Variants in TMEFF1 observed in about 807,000 individuals in gnomAD.
TMEFF1 encodes the protein transmembrane protein with EGF like and two follistatin like domains 1.
A neutral mutation model predicts 47.5 loss-of-function variants in TMEFF1; 20 were observed. The ratio of observed to expected loss-of-function variants is 0.42; its 90% CI spans 0.30 to 0.61. TMEFF1 has a LOEUF of 0.61. Among genes scored for constraint, TMEFF1 ranks in the 20% least tolerant of loss-of-function variants. The pLI is 0.19. For missense variants in TMEFF1, 411 were observed against 471.1 expected, an observed-to-expected ratio of 0.87 and a Z score of 1.18; for synonymous variants, 162 against 166.3, an observed-to-expected ratio of 0.97 and a Z score of 0.20.
chr9:100,518,913 A>G (rs915539822), intron 5 of TMEFF1, among the ~76,000 whole-genome samples: 7 of 152,186 alleles, frequency 4.6e-5, no homozygotes, highest in African/African-American at 1.7e-4. Flanking sequence ...GGTCTGGAAA[A>G]TGGAAAGCTG....
chr9:100,489,907 T>TG (rs1192017189), intron 1 of TMEFF1, among the ~76,000 whole-genome samples: 3 of 152,286 alleles, frequency 2.0e-5, no homozygotes, highest in Admixed American at 2.0e-4. Context: ...GGAAAGACCC[T>TG]GGGAGACTTA....
At chr9:100,476,070 T>C (rs895671419) in intron 1 of TMEFF1, among the ~76,000 whole-genome samples, 7 of 152,184 alleles carry the variant, frequency 4.6e-5, no homozygotes, top group Non-Finnish European at 8.8e-5. Context: ...ATCTGAGTCT[T>C]CTTTCAAGCG....
Position 100,532,662 on chromosome 9 carries a change from T to C in TMEFF1, c.561-15082T>C, listed in dbSNP as rs530601624. On this transcript the variant is annotated intron_variant, in intron 5 of 9. Coordinates refer to ENST00000374879, the MANE Select transcript of TMEFF1 (RefSeq NM_003692.5). ...GTGGGACTGTAAACTAGTTCAACCATTGTGGAAGTCAGTGTGGCGATTCCT... is the reference window on the plus strand; with the variant it reads ...GTGGGACTGTAAACTAGTTCAACCACTGTGGAAGTCAGTGTGGCGATTCCT... Among the ~76,000 whole-genome samples the C allele has an allele frequency of 3.5e-3, 532 of 151,692 alleles. 1 individual carries two copies. The highest frequency in any genetic ancestry group is 5.7e-3 in the Non-Finnish European group (386 of 67,810).
At chr9:100,505,556 G>C (rs901419457) in intron 2 of TMEFF1, among the ~76,000 whole-genome samples, 16 of 151,292 alleles carry the variant, frequency 1.1e-4, no homozygotes, top group Non-Finnish European at 1.8e-4. Flanking sequence ...CTGATTTGTA[G>C]TATTAAGGAA....
Position 100,562,626 on chromosome 9 carries a change from T to G in TMEFF1, c.899+1106T>G, listed in dbSNP as rs893931411. Reference sequence around the variant, plus strand: ...GAATGGTAACAGGCCAGGTTTTTTTTTTTGTTTGTTTTGTTTTGTTTTGTT... The same window carrying G: ...GAATGGTAACAGGCCAGGTTTTTTTGTTTGTTTGTTTTGTTTTGTTTTGTT... On this transcript the variant is annotated intron_variant, in intron 8 of 9. Transcript: ENST00000374879. Among the ~76,000 whole-genome samples the G allele has an allele frequency of 8.9e-5, 12 of 134,182 alleles. No individual in the cohort carries two copies. In the South Asian group the frequency reaches 9.1e-4, roughly 10 times the overall value. The allele number at this position is 134,182 out of a possible 152,430, so 88.0% of individuals were successfully genotyped here.
intron 5 of TMEFF1, among the ~76,000 whole-genome samples, chr9:100,534,234 A>G (rs909603952): frequency 1.6e-4 from 25 of 152,162 alleles, no homozygotes; most frequent in African/African-American, 6.0e-4. Context: ...CCATGCTCAG[A>G]TATTTATTTG....
At chr9:100,553,339 A>G (rs1036645815) in intron 7 of TMEFF1, among the ~76,000 whole-genome samples, 6 of 152,220 alleles carry the variant, frequency 3.9e-5, no homozygotes, top group African/African-American at 7.2e-5. Context: ...CACAGCATTT[A>G]TAGGAGGCCC....
chr9:100,487,297 G>A (rs1564007930), intron 1 of TMEFF1, among the ~76,000 whole-genome samples: 1 of 152,092 alleles, frequency 6.6e-6, no homozygotes, highest in Non-Finnish European at 1.5e-5. Context: ...CTGAGTAGCT[G>A]GAATTACAGC....
chr9:100,498,700 C>G, intron 1 of TMEFF1, 65 bp from the exon 2 acceptor site: 1 of 1,480,970 alleles, frequency 6.8e-7, no homozygotes, highest in Non-Finnish European at 9.4e-7. Flanking sequence ...CACACACACG[C>G]GCACAGACAC....
intron 5 of TMEFF1, among the ~76,000 whole-genome samples, chr9:100,537,749 ATTG>A (rs1294556545): frequency 1.3e-5 from 2 of 152,160 alleles, no homozygotes; most frequent in East Asian, 1.9e-4. Flanking sequence ...CGCATAGTAG[ATTG>A]TTGTTCTCTG....
At chr9:100,499,933 T>C (rs1837727116) in intron 2 of TMEFF1, among the ~76,000 whole-genome samples, 1 of 152,190 alleles carries the variant, frequency 6.6e-6, no homozygotes, top group Non-Finnish European at 1.5e-5. Flanking sequence ...AAAGGGGCTT[T>C]ACATTCAATT....
At chr9:100,490,045 A>C (rs924453398) in intron 1 of TMEFF1, among the ~76,000 whole-genome samples, 1 of 152,040 alleles carries the variant, frequency 6.6e-6, no homozygotes, top group Non-Finnish European at 1.5e-5. Flanking sequence ...GGAAGATTGC[A>C]GGAGTGGGGG....
At chr9:100,511,002 T>A (rs1048926429) in intron 3 of TMEFF1, among the ~76,000 whole-genome samples, 5 of 152,132 alleles carry the variant, frequency 3.3e-5, no homozygotes, top group African/African-American at 4.8e-5. Flanking sequence ...AATATCCTTC[T>A]ATCAGGTATG....
At chr9:100,552,733 C>A (rs780414852) in intron 7 of TMEFF1, among the ~76,000 whole-genome samples, 1 of 151,910 alleles carries the variant, frequency 6.6e-6, no homozygotes, top group African/African-American at 2.4e-5. Context: ...GGTGGTGGTA[C>A]GCGATGTGGT....
chr9:100,505,438 A>C (rs1304251166), intron 2 of TMEFF1, among the ~76,000 whole-genome samples: 2 of 150,650 alleles, frequency 1.3e-5, no homozygotes, highest in East Asian at 3.9e-4. Flanking sequence ...AAAAAAAAAA[A>C]AAACAACTAA....
At chr9:100,570,651 G>GT (rs57507834) in intron 8 of TMEFF1, among the ~76,000 whole-genome samples, 39,536 of 150,314 alleles carry the variant, frequency 0.26, 6,340 homozygotes, top group Admixed American at 0.39. Context: ...CCCACTGCTT[G>GT]TTTTTTTTTG....
intron 1 of TMEFF1, among the ~76,000 whole-genome samples, chr9:100,484,879 G>A (rs972634272): frequency 5.3e-5 from 8 of 151,746 alleles, no homozygotes; most frequent in Non-Finnish European, 1.2e-4. Context: ...GTTTCACTGC[G>A]TTGGCCAGGC....
intron 5 of TMEFF1, among the ~76,000 whole-genome samples, chr9:100,546,068 C>T (rs576476867): frequency 2.1e-4 from 32 of 152,196 alleles, no homozygotes; most frequent in Non-Finnish European, 3.7e-4. Context: ...TGTTCCAACT[C>T]GTGCCTATTA....
At chr9:100,564,005 G>T (rs1435348095) in intron 8 of TMEFF1, among the ~76,000 whole-genome samples, 1 of 152,154 alleles carries the variant, frequency 6.6e-6, no homozygotes, top group Non-Finnish European at 1.5e-5. Context: ...AACAGGCAAG[G>T]ATAAACAGCC....
Sources: allele counts gnomAD v4.1 joint callset (sites outside exome capture counted in the v4.1 genomes callset), GRCh38; gene constraint gnomAD v4.1.1; transcripts MANE v1.5; gene names NCBI Gene and HGNC (gene_info 2026-07-23, HGNC 2026-07-21).